Variants in USP8 observed in about 807,000 individuals in gnomAD.
USP8 encodes ubiquitin carboxyl-terminal hydrolase 8.
Under a neutral mutation model 130.0 loss-of-function variants are expected in USP8, and 27 were observed. The observed-to-expected ratio is 0.21, with a 90% CI of 0.15 to 0.29. The LOEUF is 0.29. Among genes scored for constraint, USP8 ranks in the 10% least tolerant of loss-of-function variants. The probability of loss-of-function intolerance (pLI) is 1.00; values close to 1 mark genes in which losing one functional copy is unlikely to be tolerated. For synonymous variants in USP8, 392 were observed against 444.1 expected, an observed-to-expected ratio of 0.88 and a Z score of 1.48; for missense variants, 1,029 against 1,312.2, an observed-to-expected ratio of 0.78 and a Z score of 3.33.
At chr15:50,459,980 T>TCC (rs2050926474) in intron 5 of USP8, among the ~76,000 whole-genome samples, 1 of 97,712 alleles carries the variant, frequency 1.0e-5, no homozygotes, top group African/African-American at 4.0e-5. Context: ...TCTCCCCCAG[T>TCC]TCCCCCACCC....
At chr15:50,489,663 A>G (rs1482295337) in intron 12 of USP8, 138 bp from the exon 13 acceptor site, 2 of 447,010 alleles carry the variant, frequency 4.5e-6, no homozygotes, top group Admixed American at 8.2e-5. Context: ...TCTGTTTTTT[A>G]AAATATGAAG....
intron 3 of USP8, among the ~76,000 whole-genome samples, chr15:50,445,133 C>T (rs891916355): frequency 4.6e-5 from 7 of 152,078 alleles, no homozygotes; most frequent in African/African-American, 1.7e-4. Flanking sequence ...ATGTGAGGTG[C>T]TAAATTTACT....
chr15:50,431,095 C>G (rs1229956760), intron 1 of USP8, among the ~76,000 whole-genome samples: 1 of 151,388 alleles, frequency 6.6e-6, no homozygotes, highest in Non-Finnish European at 1.5e-5. Flanking sequence ...CAGTTTTAAA[C>G]TGCAGTATTA....
chr15:50,495,479 A>G (rs2052355271), intron 16 of USP8, among the ~76,000 whole-genome samples: 1 of 123,774 alleles, frequency 8.1e-6, no homozygotes, highest in Non-Finnish European at 1.7e-5. Context: ...TTTTTAGTAG[A>G]GATTGGAGGG....
At chr15:50,451,047 G>A (rs1003427192) in intron 4 of USP8, among the ~76,000 whole-genome samples, 1 of 152,010 alleles carries the variant, frequency 6.6e-6, no homozygotes. Context: ...ATTTAACCAG[G>A]GTGACATATT....
intron 18 of USP8, among the ~76,000 whole-genome samples, chr15:50,498,105 CACCA>C (rs1244722491): frequency 2.0e-5 from 3 of 152,152 alleles, no homozygotes; most frequent in South Asian, 2.1e-4. Context: ...AACCATATTA[CACCA>C]ACCAAGATAT....
intron 5 of USP8, 136 bp from the exon 6 acceptor site, chr15:50,462,144 C>T (rs1008188664): frequency 9.6e-6 from 6 of 622,040 alleles, no homozygotes; most frequent in African/African-American, 7.9e-5. Context: ...TATTATTCGT[C>T]TGCGTTTTTA....
At chr15:50,495,747 G>T in intron 16 of USP8, 101 bp from the exon 17 acceptor site, 1 of 900,798 alleles carries the variant, frequency 1.1e-6, no homozygotes, top group East Asian at 2.7e-5. Flanking sequence ...AGAACTACAG[G>T]TGTTTCTAAA....
At position 50,500,134 on chromosome 15, in the gene USP8, A is replaced by G. The variant is rs2052555966; in HGVS notation, c.*1046A>G. On this transcript the variant is annotated 3_prime_UTR_variant, in exon 20 of 20. Transcript: ENST00000307179. ...AGTGCTTCAGAAAGAGACCACCATT[A>G]GCAGGCTCTCAGGGAGAAGATGAAA... 6.6e-6 allele frequency: 1 copy of G among 152,286 alleles called. No homozygotes were observed. Among genetic ancestry groups the G allele is most frequent in the Admixed American group, 6.5e-5 (1 of 15,278 alleles). The allele number at this position is 152,286 out of a possible 1,614,324, so 9.4% of individuals were successfully genotyped here.
At position 50,506,828 on chromosome 15, in the gene USP8, G is replaced by C. The variant is rs1439154366; in HGVS notation, c.*7740G>C. 6.6e-6 allele frequency: 1 copy of C among 151,854 alleles called. No individual in the cohort carries two copies. Among genetic ancestry groups the C allele is most frequent in the East Asian group, 1.9e-4 (1 of 5,162 alleles). 9.4% of individuals were successfully genotyped at this position (151,854 alleles called of 1,614,324 possible). A position where few individuals can be genotyped will look rare whatever the true frequency, so the allele number is the denominator to read the frequency against. On this transcript the variant is annotated 3_prime_UTR_variant, in exon 20 of 20. Coordinates refer to ENST00000307179, the MANE Select transcript of USP8 (RefSeq NM_005154.5). ...AAAAAATTAGCCGGGCATGGTGGCA[G>C]GCGCCTATAGTCCCAGCTACTCCGG...
intron 3 of USP8, among the ~76,000 whole-genome samples, chr15:50,442,729 T>C (rs62019079): frequency 0.15 from 22,361 of 152,148 alleles, 2,068 homozygotes; most frequent in Middle Eastern, 0.28. Context: ...CCAGCCCAGG[T>C]GGGCGATAGA....
chr15:50,446,662 T>C (rs1375822313), intron 3 of USP8, among the ~76,000 whole-genome samples: 1 of 152,206 alleles, frequency 6.6e-6, no homozygotes, highest in African/African-American at 2.4e-5. Flanking sequence ...ACACTTTTAT[T>C]GGAATTACAT....
chr15:50,464,536 C>T (rs987263935), intron 6 of USP8, among the ~76,000 whole-genome samples: 1 of 152,118 alleles, frequency 6.6e-6, no homozygotes, highest in Non-Finnish European at 1.5e-5. Flanking sequence ...GTAAACAGAG[C>T]ATCGAACTGG....
chr15:50,498,306 C>T (rs1350947303), intron 18 of USP8: 5 of 251,978 alleles, frequency 2.0e-5, no homozygotes, highest in African/African-American at 1.1e-4. Flanking sequence ...GTCTTACCTT[C>T]CTAGAAGACT....
intron 12 of USP8, 29 bp downstream of exon 12, chr15:50,484,390 G>A: frequency 6.5e-7 from 1 of 1,549,952 alleles, no homozygotes; most frequent in Admixed American, 1.8e-5. Context: ...GAAAAAACTG[G>A]AAAAAAAAGC....
chr15:50,444,178 A>G (rs2050350089), intron 3 of USP8, among the ~76,000 whole-genome samples: 1 of 141,660 alleles, frequency 7.1e-6, no homozygotes, highest in Non-Finnish European at 1.5e-5. Context: ...ATTTTGGCTC[A>G]CTGCAACCTC....
Position 50,500,938 on chromosome 15 carries a change from T to C in USP8, c.*1850T>C, listed in dbSNP as rs2052574119. The C allele has an allele frequency of 1.0e-6, 1 of 993,522 alleles. No individual in the cohort carries two copies. The highest frequency in any genetic ancestry group is 2.7e-5 in the East Asian group (1 of 37,602). 61.5% of individuals were successfully genotyped at this position (993,522 alleles called of 1,614,324 possible). A position where few individuals can be genotyped will look rare whatever the true frequency, so the allele number is the denominator to read the frequency against. ...GAGATGCTTTTTAAATTGTCCCTTATTCTAAATTAAAAGGAAGTGATAATT... is the reference window on the plus strand; with the variant it reads ...GAGATGCTTTTTAAATTGTCCCTTACTCTAAATTAAAAGGAAGTGATAATT... On this transcript the variant is annotated 3_prime_UTR_variant, in exon 20 of 20. Transcript: ENST00000307179.
chr15:50,497,871 C>CA lies in USP8; in HGVS notation c.3038+646dup, dbSNP rs753378885. ...TTATTGAGAGCTGTAATTTTTGTGT[C>CA]AAAAAAGCATTTCTGTTAAAAATGT... On this transcript the variant is annotated intron_variant, in intron 18 of 19. Transcript: ENST00000307179. Among the ~76,000 whole-genome samples, 29 of 152,120 alleles carry CA rather than the reference C, an allele frequency of 1.9e-4. 1 individual carries two copies. The South Asian group carries it at 3.3e-3, about 17-fold the overall frequency.
intron 2 of USP8, among the ~76,000 whole-genome samples, chr15:50,439,569 A>G (rs1207367320): frequency 6.6e-6 from 1 of 152,026 alleles, no homozygotes; most frequent in East Asian, 1.9e-4. Context: ...TGGGCGGATC[A>G]CCTAAGGTCA....
Sources: gnomAD v4.1 joint callset for allele counts (sites outside exome capture counted in the v4.1 genomes callset) on GRCh38, gnomAD v4.1.1 for gene constraint, MANE v1.5 for transcripts, NCBI Gene and HGNC (gene_info 2026-07-23, HGNC 2026-07-21) for gene names.